The following TAFA2 variants were observed in gnomAD, a reference collection of about 807,000 sequenced individuals.
The protein encoded by TAFA2 is chemokine-like protein TAFA-2.
In TAFA2, 7 loss-of-function variants were observed where a neutral mutation model predicts 18.8. The observed-to-expected ratio is 0.37, with a 90% CI of 0.21 to 0.70. The LOEUF (loss-of-function observed/expected upper bound fraction) is 0.70. Among genes scored for constraint, TAFA2 ranks in the 30% least tolerant of loss-of-function variants. The probability of loss-of-function intolerance (pLI) is 0.53; values close to 1 mark genes in which losing one functional copy is unlikely to be tolerated. For synonymous variants in TAFA2, 60 were observed against 54.2 expected (o/e 1.11, Z -0.47); for missense variants, 122 against 158.1 (o/e 0.77, Z 1.23).
intron 1 of TAFA2, among the ~76,000 whole-genome samples, chr12:62,125,670 G>A (rs1358222863): frequency 6.7e-6 from 1 of 148,540 alleles, no homozygotes; most frequent in Admixed American, 6.7e-5. Flanking sequence ...AACTCCCGCA[G>A]ATATTTTTTT....
intron 1 of TAFA2, among the ~76,000 whole-genome samples, chr12:62,084,737 G>T (rs1868384193): frequency 6.6e-6 from 1 of 152,128 alleles, no homozygotes; most frequent in Non-Finnish European, 1.5e-5. Context: ...ACTTACAATA[G>T]TGAGACTTCC....
chr12:62,055,504 T>A (rs1882165885), intron 1 of TAFA2, among the ~76,000 whole-genome samples: 1 of 152,192 alleles, frequency 6.6e-6, no homozygotes, highest in African/African-American at 2.4e-5. Flanking sequence ...TCAAAGATGA[T>A]TATGTGTTAT....
At chr12:62,050,056 C>CTTAT (rs1882010924) in intron 1 of TAFA2, among the ~76,000 whole-genome samples, 1 of 152,140 alleles carries the variant, frequency 6.6e-6, no homozygotes, top group Admixed American at 6.5e-5. Flanking sequence ...CCTGTGCTGG[C>CTTAT]TTATTTGGGT....
chr12:61,879,674 A>G, intron 1 of TAFA2: 1 of 1,035,506 alleles, frequency 9.7e-7, no homozygotes, highest in Non-Finnish European at 1.5e-6. Flanking sequence ...GCAGAACAGG[A>G]TGCTGGAGGC....
chr12:61,976,403 G>A (rs1159462582), intron 1 of TAFA2, among the ~76,000 whole-genome samples: 1 of 151,800 alleles, frequency 6.6e-6, no homozygotes, highest in African/African-American at 2.4e-5. Flanking sequence ...CACAATACAT[G>A]ATTGGAAAAA....
intron 1 of TAFA2, among the ~76,000 whole-genome samples, chr12:62,075,455 A>T: frequency 6.6e-6 from 1 of 151,938 alleles, no homozygotes; most frequent in East Asian, 1.9e-4. Flanking sequence ...TGTAAATTCC[A>T]CCTCTCTTGC....
At chr12:61,771,064 A>T (rs1287342341) in intron 2 of TAFA2, among the ~76,000 whole-genome samples, 1 of 152,126 alleles carries the variant, frequency 6.6e-6, no homozygotes, top group Non-Finnish European at 1.5e-5. Flanking sequence ...TATTCCATGC[A>T]AATGGACACC....
intron 1 of TAFA2, among the ~76,000 whole-genome samples, chr12:61,976,911 T>C (rs916533645): frequency 2.0e-5 from 3 of 152,122 alleles, no homozygotes; most frequent in Admixed American, 6.6e-5. Context: ...ATTTTCTTAA[T>C]CCAGTCTATC....
intron 1 of TAFA2, among the ~76,000 whole-genome samples, chr12:62,214,524 T>C (rs993312185): frequency 2.0e-5 from 3 of 152,192 alleles, no homozygotes; most frequent in Admixed American, 2.0e-4. Flanking sequence ...AATGAATTAA[T>C]ACACCCCCAA....
chr12:61,731,503 A>G lies in TAFA2; in HGVS notation c.385-21086T>C, dbSNP rs967313792. 1.3e-5 allele frequency among the ~76,000 whole-genome samples: 2 copies of G among 152,080 alleles called. 1 individual carries two copies. ...TTTTGGCTTAGACTAGGACCAAAAA[A>G]TTGGGTTTTGGTTAAAACTGCTGCT... On this transcript the variant is annotated intron_variant, in intron 4 of 4. Coordinates refer to ENST00000416284, the MANE Select transcript of TAFA2 (RefSeq NM_178539.5).
chr12:61,875,278 G>C (rs1418377550), intron 1 of TAFA2, among the ~76,000 whole-genome samples: 2 of 151,936 alleles, frequency 1.3e-5, no homozygotes, highest in East Asian at 3.8e-4. Flanking sequence ...TTTAAATTTT[G>C]TATCTCTTTC....
At chr12:61,861,032 C>A (rs1874104167) in intron 2 of TAFA2, among the ~76,000 whole-genome samples, 1 of 151,668 alleles carries the variant, frequency 6.6e-6, no homozygotes, top group South Asian at 2.1e-4. Flanking sequence ...CTCACTGCAA[C>A]CTCTGCCTCC....
intron 1 of TAFA2, among the ~76,000 whole-genome samples, chr12:62,035,900 C>T (rs1056399601): frequency 6.6e-6 from 1 of 151,504 alleles, no homozygotes; most frequent in African/African-American, 2.4e-5. Context: ...CGCCACCATG[C>T]CCGGCTAATT....
chr12:61,732,624 TG>T (rs922290799), intron 4 of TAFA2, among the ~76,000 whole-genome samples: 1 of 152,038 alleles, frequency 6.6e-6, no homozygotes, highest in Non-Finnish European at 1.5e-5. Flanking sequence ...CTGTTCCTTC[TG>T]TTCAGATGGT....
chr12:62,088,519 T>C (rs1868555374), intron 1 of TAFA2, among the ~76,000 whole-genome samples: 1 of 151,072 alleles, frequency 6.6e-6, no homozygotes, highest in Non-Finnish European at 1.5e-5. Context: ...GAAGGAGCTT[T>C]ATCCTGGATC....
chr12:61,801,582 ATCTCT>A (rs904024640), intron 2 of TAFA2, among the ~76,000 whole-genome samples: 4 of 152,036 alleles, frequency 2.6e-5, no homozygotes, highest in African/African-American at 9.7e-5. Context: ...CCAAACCCCT[ATCTCT>A]CACCACATAC....
At chr12:61,816,729 T>G (rs1872102325) in intron 2 of TAFA2, among the ~76,000 whole-genome samples, 1 of 151,250 alleles carries the variant, frequency 6.6e-6, no homozygotes, top group Non-Finnish European at 1.5e-5. Flanking sequence ...GAGTTTAGGG[T>G]AAAGAAGCAT....
chr12:62,160,965 A>C (rs1289267157), intron 1 of TAFA2, among the ~76,000 whole-genome samples: 1 of 152,200 alleles, frequency 6.6e-6, no homozygotes. Context: ...TGAATGAATG[A>C]ATGAATACAG....
intron 1 of TAFA2, among the ~76,000 whole-genome samples, chr12:61,910,890 C>T (rs920325724): frequency 1.3e-5 from 2 of 152,170 alleles, no homozygotes; most frequent in Non-Finnish European, 2.9e-5. Context: ...TCTAACACTG[C>T]CAATGATTTG....
Sources: gnomAD v4.1 joint callset for allele counts (sites outside exome capture counted in the v4.1 genomes callset) on GRCh38, gnomAD v4.1.1 for gene constraint, MANE v1.5 for transcripts, NCBI Gene and HGNC (gene_info 2026-07-23, HGNC 2026-07-21) for gene names.